The following RPS6KA2 variants were observed in gnomAD, a reference collection of about 807,000 sequenced individuals.
RPS6KA2 encodes the protein ribosomal protein S6 kinase alpha-2.
A neutral mutation model predicts 91.8 loss-of-function variants in RPS6KA2; 42 were observed. That is an observed-to-expected ratio of 0.46 (90% CI 0.36 to 0.59). The LOEUF is 0.59. Among genes scored for constraint, RPS6KA2 ranks in the 20% least tolerant of loss-of-function variants. The pLI is 0.00. For missense variants in RPS6KA2, 798 were observed against 978.5 expected (o/e 0.82, Z 2.46); for synonymous variants, 414 against 393.6 (o/e 1.05, Z -0.61).
intron 2 of RPS6KA2, among the ~76,000 whole-genome samples, chr6:166,760,406 A>T (rs767052378): frequency 6.6e-6 from 1 of 152,256 alleles, no homozygotes; most frequent in African/African-American, 2.4e-5. Context: ...AAAGCAATTG[A>T]ACTACATCGA....
intron 2 of RPS6KA2, among the ~76,000 whole-genome samples, chr6:166,812,445 C>G (rs1779662844): frequency 6.6e-6 from 1 of 152,192 alleles, no homozygotes; most frequent in Non-Finnish European, 1.5e-5. Flanking sequence ...GCCTCTCTCT[C>G]AACTCTCAGC....
chr6:166,667,356 C>T (rs568983201), intron 2 of RPS6KA2, among the ~76,000 whole-genome samples: 27 of 152,202 alleles, frequency 1.8e-4, no homozygotes, highest in African/African-American at 5.5e-4. Context: ...ATAGTTATGT[C>T]GATAATTTCT....
rs1178289287 is a variant in RPS6KA2, at chr6:166,563,012, G to A, written c.100-24228C>T. 6.6e-6 allele frequency among the ~76,000 whole-genome samples: 1 copy of A among 152,234 alleles called. No homozygotes were observed. Among genetic ancestry groups the A allele is most frequent in the East Asian group, 1.9e-4 (1 of 5,192 alleles). ...AGCCAGACCGAGGAACAGCGCAAAA[G>A]GTAACATCCAAGTCACAACAGGAGT... is the stretch of plus-strand genomic sequence containing the variant. On this transcript the variant is annotated intron_variant, in intron 1 of 20. Coordinates refer to ENST00000265678, the MANE Select transcript of RPS6KA2 (RefSeq NM_021135.6). This position sits in a 1 kb window ranked among gnomAD's most constrained non-coding sequence, Gnocchi z 4.1.
chr6:166,768,568 C>T lies in RPS6KA2; in HGVS notation c.123+89632G>A, dbSNP rs1033561709. Among the ~76,000 whole-genome samples the T allele has an allele frequency of 2.0e-5, 3 of 151,986 alleles. No individual in the cohort carries two copies. In the East Asian group the frequency reaches 5.8e-4, roughly 29 times the overall value. On this transcript the variant is annotated intron_variant, in intron 2 of 21. Coordinates refer to the RPS6KA2 transcript ENST00000503859. ...ACTGGTATAACAATCTGTTGAACAT[C>T]AACTTTTGTAGAGTCTTTTAAAAAA... is the stretch of plus-strand genomic sequence containing the variant.
At chr6:166,731,258 G>T (rs1790506989) in intron 2 of RPS6KA2, among the ~76,000 whole-genome samples, 1 of 151,964 alleles carries the variant, frequency 6.6e-6, no homozygotes, top group Non-Finnish European at 1.5e-5. Flanking sequence ...AAAGAAAAAA[G>T]AAAAAAGCCA....
intron 2 of RPS6KA2, among the ~76,000 whole-genome samples, chr6:166,721,069 G>A (rs543024121): frequency 3.0e-4 from 45 of 152,348 alleles, no homozygotes; most frequent in African/African-American, 1.1e-3. Flanking sequence ...ACACAAGCAA[G>A]TGCTCCATCG....
chr6:166,725,992 C>T (rs909347483), intron 2 of RPS6KA2, among the ~76,000 whole-genome samples: 93 of 152,306 alleles, frequency 6.1e-4, no homozygotes, highest in African/African-American at 2.0e-3. Flanking sequence ...GAAACAGCCA[C>T]GCCCCAGAAG....
At chr6:166,462,804 CCAA>C (rs1780368001) in intron 11 of RPS6KA2, among the ~76,000 whole-genome samples, 1 of 152,230 alleles carries the variant, frequency 6.6e-6, no homozygotes, top group Admixed American at 6.5e-5. Flanking sequence ...CTCACAGACC[CCAA>C]CAAGACCAGA....
chr6:166,520,761 C>G (rs1429773966), intron 3 of RPS6KA2, among the ~76,000 whole-genome samples: 1 of 152,156 alleles, frequency 6.6e-6, no homozygotes, highest in African/African-American at 2.4e-5. Context: ...GTAGAGAAGG[C>G]CTACATCTTC....
At chr6:166,550,250 A>G (rs1399451298) in intron 1 of RPS6KA2, among the ~76,000 whole-genome samples, 2 of 152,230 alleles carry the variant, frequency 1.3e-5, no homozygotes, top group Non-Finnish European at 2.9e-5. Context: ...AAACTATGCG[A>G]CATTCCCTCT....
chr6:166,467,973 G>GGGAT lies in RPS6KA2; in HGVS notation c.972+1864_972+1867dup, dbSNP rs1208232304. On this transcript the variant is annotated intron_variant, in intron 11 of 20. Coordinates refer to ENST00000265678, the MANE Select transcript of RPS6KA2 (RefSeq NM_021135.6). ...CCTTAACCACTGGCAGGCAGGGGAG[G>GGGAT]GGATGCAACATGCTGTGACCCCCTG... Among the ~76,000 whole-genome samples, 4 of 152,366 alleles carry GGGAT rather than the reference G, an allele frequency of 2.6e-5. No homozygotes were observed. In the East Asian group the frequency reaches 7.7e-4, roughly 29 times the overall value.
intron 1 of RPS6KA2, among the ~76,000 whole-genome samples, chr6:166,571,358 G>T (rs994741327): frequency 1.3e-5 from 2 of 152,110 alleles, no homozygotes; most frequent in South Asian, 2.1e-4. Flanking sequence ...GCTGCTTCCC[G>T]AACAGCAAAG....
In RPS6KA2 at chr6:166,802,362, TTTAC is replaced by T. The variant is rs1779388095; in HGVS notation, c.123+55834_123+55837del. Reference sequence around the variant, plus strand: ...TAGTTCATCGTAGTGGCCCTTTATTTTTACTTATTCATTCAAGGAAAAAAACTCT... The same window carrying T: ...TAGTTCATCGTAGTGGCCCTTTATTTTTATTCATTCAAGGAAAAAAACTCT... On this transcript the variant is annotated intron_variant, in intron 2 of 21. Transcript: ENST00000503859. Among the ~76,000 whole-genome samples, 3 of 152,218 alleles carry T rather than the reference TTTAC, an allele frequency of 2.0e-5. No individual in the cohort carries two copies. The South Asian group carries it at 6.2e-4, about 32-fold the overall frequency.
intron 2 of RPS6KA2, among the ~76,000 whole-genome samples, chr6:166,739,833 C>G (rs1790762017): frequency 6.6e-6 from 1 of 152,188 alleles, no homozygotes; most frequent in Non-Finnish European, 1.5e-5. Context: ...CTCGTGGTCC[C>G]GTGGTATCAG....
chr6:166,618,554 T>C (rs181996252), intron 1 of RPS6KA2, among the ~76,000 whole-genome samples: 11 of 152,248 alleles, frequency 7.2e-5, no homozygotes, highest in Admixed American at 2.0e-4. Flanking sequence ...AAGGAAAAGA[T>C]TGACCATCAC....
intron 2 of RPS6KA2, among the ~76,000 whole-genome samples, chr6:166,811,364 AAG>A (rs1779636256): frequency 6.6e-6 from 1 of 152,162 alleles, no homozygotes; most frequent in African/African-American, 2.4e-5. Flanking sequence ...TGTTTATCCT[AAG>A]GTCATAATTT....
intron 2 of RPS6KA2, among the ~76,000 whole-genome samples, chr6:166,681,984 T>C (rs1332743408): frequency 1.3e-5 from 2 of 152,178 alleles, no homozygotes; most frequent in African/African-American, 2.4e-5. Context: ...TTAAGTCTTC[T>C]GATGCCCAGC....
chr6:166,517,455 GTTTTTTTTTTTTTTTTTTT>G (rs71032809), intron 3 of RPS6KA2, among the ~76,000 whole-genome samples: 48,075 of 106,806 alleles, frequency 0.45, 9,527 homozygotes, highest in East Asian at 0.61. Context: ...CTTTTGTTTT[GTTTTTTTTTTTTTTTTTTT>G]TTTTTTTTTT....
intron 1 of RPS6KA2, among the ~76,000 whole-genome samples, chr6:166,545,399 C>T (rs931924650): frequency 1.3e-5 from 2 of 152,274 alleles, no homozygotes; most frequent in African/African-American, 2.4e-5. Context: ...GCTGGCTGCT[C>T]GGGCTCCTTT....
Sources: allele counts gnomAD v4.1 joint callset (sites outside exome capture counted in the v4.1 genomes callset), GRCh38; gene constraint gnomAD v4.1.1; non-coding constraint Gnocchi (gnomAD v3.1); transcripts MANE v1.5; gene names NCBI Gene and HGNC (gene_info 2026-07-23, HGNC 2026-07-21).